KLHL8: variants seen among roughly 807,000 people sequenced by gnomAD.
KLHL8 encodes kelch-like protein 8.
Under a neutral mutation model 63.5 loss-of-function variants are expected in KLHL8, and 38 were observed. The ratio of observed to expected loss-of-function variants is 0.60; its 90% CI spans 0.46 to 0.78. The LOEUF is 0.78. Ranked by LOEUF, KLHL8 falls within the 30% of genes least tolerant of loss-of-function variation. The probability of loss-of-function intolerance (pLI) is 0.00; values close to 1 mark genes in which losing one functional copy is unlikely to be tolerated. For missense variants in KLHL8, 566 were observed against 752.4 expected, an observed-to-expected ratio of 0.75 and a Z score of 2.90; for synonymous variants, 224 against 254.3, an observed-to-expected ratio of 0.88 and a Z score of 1.13.
chr4:87,235,153 G>A (rs1261975739), intron 1 of KLHL8, among the ~76,000 whole-genome samples: 1 of 152,080 alleles, frequency 6.6e-6, no homozygotes, highest in African/African-American at 2.4e-5. Flanking sequence ...AGTCTACATA[G>A]TGTACAGTAA....
chr4:87,224,557 C>T (rs1305658179), upstream of KLHL8, among the ~76,000 whole-genome samples: 1 of 152,170 alleles, frequency 6.6e-6, no homozygotes, highest in Non-Finnish European at 1.5e-5. Context: ...ACTTAAAGAG[C>T]CTGAACACCG....
At chr4:87,235,964 G>A (rs1043804770) in intron 1 of KLHL8, among the ~76,000 whole-genome samples, 1 of 152,098 alleles carries the variant, frequency 6.6e-6, no homozygotes, top group African/African-American at 2.4e-5. Context: ...TGCTTGGAGC[G>A]CCCTCTGCTG....
At chr4:87,221,276 T>C (rs983131934), upstream of KLHL8, 3 of 151,644 alleles carry the variant, frequency 2.0e-5, no homozygotes, top group Admixed American at 6.6e-5. Flanking sequence ...GTGCCACCAA[T>C]CCCAGCTATT....
At chr4:87,189,469 T>C (rs1175249410) in intron 2 of KLHL8, among the ~76,000 whole-genome samples, 1 of 152,146 alleles carries the variant, frequency 6.6e-6, no homozygotes, top group Admixed American at 6.5e-5. Context: ...ATAAAAACTT[T>C]GAGTAATTTT....
intron 1 of KLHL8, among the ~76,000 whole-genome samples, chr4:87,233,317 G>A (rs13140294): frequency 0.07 from 10,640 of 152,232 alleles, 526 homozygotes; most frequent in Non-Finnish European, 0.1. Context: ...GACCGGGTGC[G>A]TGGCTCATGC....
At position 87,160,675 on chromosome 4, in the gene KLHL8, A is replaced by G. The variant is rs1730123395; in HGVS notation, c.*2844T>C. 6.6e-6 allele frequency: 1 copy of G among 152,244 alleles called. No individual in the cohort carries two copies. The highest frequency in any genetic ancestry group is 2.4e-5 in the African/African-American group (1 of 41,464). 9.4% of individuals were successfully genotyped at this position (152,244 alleles called of 1,614,324 possible). A position where few individuals can be genotyped will look rare whatever the true frequency, so the allele number is the denominator to read the frequency against. On this transcript the variant is annotated 3_prime_UTR_variant, in exon 10 of 10. Transcript: ENST00000273963. ...AACAATGTCAAGTAACTTGTTTTTAAAGTGGCAACGCAATATAGTAAAGCA... is the reference window on the plus strand; with the variant it reads ...AACAATGTCAAGTAACTTGTTTTTAGAGTGGCAACGCAATATAGTAAAGCA...
chr4:87,207,358 G>T, intron 1 of KLHL8: 1 of 647,136 alleles, frequency 1.5e-6, no homozygotes, highest in Non-Finnish European at 2.9e-6. Context: ...CAATGCTGAC[G>T]CTGAGTACGT....
At chr4:87,175,023 T>C (rs189086110) in intron 6 of KLHL8, among the ~76,000 whole-genome samples, 1 of 152,360 alleles carries the variant, frequency 6.6e-6, no homozygotes, top group Non-Finnish European at 1.5e-5. Flanking sequence ...TTCAGTTGTA[T>C]TACTAACCTG....
intron 8 of KLHL8, among the ~76,000 whole-genome samples, chr4:87,164,750 G>GT (rs1356899080): frequency 1.3e-5 from 2 of 152,142 alleles, no homozygotes. Flanking sequence ...AAAAACAAGT[G>GT]TCTCTTTTTG....
At chr4:87,181,901 A>G (rs997608263) in intron 4 of KLHL8, among the ~76,000 whole-genome samples, 2 of 152,074 alleles carry the variant, frequency 1.3e-5, no homozygotes, top group Admixed American at 1.3e-4. Flanking sequence ...CTGACTTTCT[A>G]AATTCACAAC....
chr4:87,176,743 C>G lies in KLHL8; in HGVS notation c.1208+14G>C. On this transcript the variant is annotated intron_variant, in intron 6 of 9. Transcript: ENST00000273963. The stretch of plus-strand genomic sequence containing the variant: ...TCCACCATCAGTTCAAAATAACTTT[C>G]CATGCTGATCTACCTCTTTGTGTTC... 7.1e-7 allele frequency: 1 copy of G among 1,400,852 alleles called. No homozygotes were observed. The highest frequency in any genetic ancestry group is 1.0e-6 in the Non-Finnish European group (1 of 1,001,324). 86.8% of individuals were successfully genotyped at this position (1,400,852 alleles called of 1,614,324 possible).
intron 1 of KLHL8, among the ~76,000 whole-genome samples, chr4:87,235,274 A>G (rs1733206852): frequency 6.6e-6 from 1 of 152,122 alleles, no homozygotes; most frequent in South Asian, 2.1e-4. Flanking sequence ...ATCATTTTTT[A>G]TCTTTTATAC....
chr4:87,169,191 G>C (rs1331717821), intron 8 of KLHL8, among the ~76,000 whole-genome samples: 1 of 152,142 alleles, frequency 6.6e-6, no homozygotes, highest in Non-Finnish European at 1.5e-5. Context: ...TGTAATCCCA[G>C]TTACTCAGAA....
At chr4:87,217,483 C>T (rs1732643127) in intron 1 of KLHL8, among the ~76,000 whole-genome samples, 1 of 151,860 alleles carries the variant, frequency 6.6e-6, no homozygotes, top group African/African-American at 2.4e-5. Context: ...CACAGGTGCA[C>T]ACCACCACAT....
chr4:87,226,957 G>A (rs35148110), intron 1 of KLHL8, among the ~76,000 whole-genome samples: 6,441 of 22,212 alleles, frequency 0.29, 1,295 homozygotes, highest in East Asian at 0.49. Context: ...TTATATATAA[G>A]TAATATATAT....
chr4:87,219,037 C>CTTAG (rs1732715005), intron 1 of KLHL8, among the ~76,000 whole-genome samples: 1 of 152,160 alleles, frequency 6.6e-6, no homozygotes, highest in Admixed American at 6.5e-5. Context: ...GCACCCGGCC[C>CTTAG]CTGAGACACC....
At chr4:87,207,885 G>A (rs1578395697) in intron 1 of KLHL8, 2 of 1,528,538 alleles carry the variant, frequency 1.3e-6, no homozygotes, top group South Asian at 1.1e-5. Flanking sequence ...AGACATCGGA[G>A]GGCCCCCTCA....
chr4:87,188,360 A>C (rs967368698), intron 2 of KLHL8, among the ~76,000 whole-genome samples: 1 of 152,212 alleles, frequency 6.6e-6, no homozygotes, highest in Non-Finnish European at 1.5e-5. Context: ...CTTACATAAT[A>C]GTATCATAAA....
intron 2 of KLHL8, among the ~76,000 whole-genome samples, chr4:87,191,875 C>T (rs1412261268): frequency 6.6e-6 from 1 of 151,238 alleles, no homozygotes; most frequent in African/African-American, 2.4e-5. Context: ...TGGTTTTCTG[C>T]TTCTTTATTA....
Sources: gnomAD v4.1 joint callset for allele counts (sites outside exome capture counted in the v4.1 genomes callset) on GRCh38, gnomAD v4.1.1 for gene constraint, MANE v1.5 for transcripts, NCBI Gene and HGNC (gene_info 2026-07-23, HGNC 2026-07-21) for gene names.